MYBPC1: variants seen among roughly 807,000 people sequenced by gnomAD.
MYBPC1 encodes myosin binding protein C1, also known as myosin-binding protein C, slow-type.
Under a neutral mutation model 147.1 loss-of-function variants are expected in MYBPC1, and 52 were observed. That is an observed-to-expected ratio of 0.35 (90% CI 0.28 to 0.45). MYBPC1 has a LOEUF of 0.45. Ranked by LOEUF, MYBPC1 falls within the 20% of genes least tolerant of loss-of-function variation. The probability of loss-of-function intolerance (pLI) is 1.00; values close to 1 mark genes in which losing one functional copy is unlikely to be tolerated. For missense variants in MYBPC1, 1,228 were observed against 1,440.3 expected, an observed-to-expected ratio of 0.85 and a Z score of 2.39; for synonymous variants, 477 against 475.9, an observed-to-expected ratio of 1.00 and a Z score of -0.03.
chr12:101,641,515 T>C (rs868198324), intron 10 of MYBPC1, among the ~76,000 whole-genome samples: 22 of 152,228 alleles, frequency 1.4e-4, no homozygotes, highest in African/African-American at 5.1e-4. Flanking sequence ...TTTTAACACA[T>C]ATATGTTCTT....
chr12:101,598,073 G>A lies in MYBPC1; in HGVS notation c.25+2978G>A, dbSNP rs190975904. The stretch of plus-strand genomic sequence containing the variant: ...CTCACTCTGTGGCCCAGGCTGGAGT[G>A]CAGTGCCACAGTCTCCGCTCACTGC... On this transcript the variant is annotated intron_variant, in intron 1 of 31. Coordinates refer to ENST00000361466, the MANE Select transcript of MYBPC1 (RefSeq NM_002465.4). 1.3e-3 allele frequency among the ~76,000 whole-genome samples: 192 copies of A among 147,054 alleles called. 3 individuals are homozygous for A. Among genetic ancestry groups the A allele is most frequent in the African/African-American group, 3.9e-3 (157 of 39,876 alleles).
At chr12:101,641,604 A>G (rs1418427501) in intron 10 of MYBPC1, among the ~76,000 whole-genome samples, 4 of 152,206 alleles carry the variant, frequency 2.6e-5, no homozygotes, top group Admixed American at 6.5e-5. Flanking sequence ...TCCCTTGTTC[A>G]TGGTGCCCTA....
At chr12:101,646,619 A>T in intron 12 of MYBPC1, 144 bp from the exon 13 acceptor site, 1 of 927,024 alleles carries the variant, frequency 1.1e-6, no homozygotes, top group Non-Finnish European at 1.7e-6. Flanking sequence ...TGCCTGTGCA[A>T]CAGAGCAAGA....
intron 8 of MYBPC1, among the ~76,000 whole-genome samples, chr12:101,633,957 C>T (rs981626841): frequency 4.7e-5 from 7 of 150,042 alleles, no homozygotes; most frequent in Non-Finnish European, 8.9e-5. Flanking sequence ...AGTGCAGTGG[C>T]GCGATCTCGG....
chr12:101,647,038 C>T (rs182792276), intron 13 of MYBPC1, 151 bp downstream of exon 13: 1 of 976,700 alleles, frequency 1.0e-6, no homozygotes, highest in East Asian at 2.5e-5. Context: ...ACTAGAACAG[C>T]AGAGGGGAGA....
At chr12:101,691,843 A>G in the MYBPC1 span, among the ~76,000 whole-genome samples, 10 of 152,212 alleles carry the variant, frequency 6.6e-5, no homozygotes, top group Non-Finnish European at 2.9e-5. Flanking sequence ...CACTCAGTGC[A>G]GGCTTGGTCT....
intron 1 of MYBPC1, among the ~76,000 whole-genome samples, chr12:101,610,104 T>C (rs1883707858): frequency 6.6e-6 from 1 of 152,208 alleles, no homozygotes; most frequent in Admixed American, 6.5e-5. Context: ...GAGACTTACC[T>C]GCAACACTTC....
At chr12:101,655,971 T>G (rs11110930) in intron 18 of MYBPC1, among the ~76,000 whole-genome samples, 34,045 of 152,004 alleles carry the variant, frequency 0.22, 4,087 homozygotes, top group Middle Eastern at 0.34. Flanking sequence ...CAATTAGGTA[T>G]GCTTATATAG....
chr12:101,670,009 T>G lies in MYBPC1; in HGVS notation c.2525-312T>G, dbSNP rs182396028. On this transcript the variant is annotated intron_variant, in intron 23 of 31. Coordinates refer to ENST00000361466, the MANE Select transcript of MYBPC1 (RefSeq NM_002465.4). The stretch of plus-strand genomic sequence containing the variant: ...GGCCCTAAGAGAAAATGTATTTTTC[T>G]ATAAAGTTGCTTTAGGCTTATTACA... 72 of 450,902 alleles carry G rather than the reference T, an allele frequency of 1.6e-4. No individual in the cohort carries two copies. The Admixed American group carries it at 2.1e-3, about 13-fold the overall frequency. The allele number at this position is 450,902 out of a possible 1,614,324, so 27.9% of individuals were successfully genotyped here. A position where few individuals can be genotyped will look rare whatever the true frequency, so the allele number is the denominator to read the frequency against.
At chr12:101,604,904 C>T (rs776874589) in intron 1 of MYBPC1, among the ~76,000 whole-genome samples, 3 of 152,148 alleles carry the variant, frequency 2.0e-5, no homozygotes, top group Non-Finnish European at 4.4e-5. Flanking sequence ...CCACCTAAGG[C>T]ACAACATTTA....
chr12:101,604,512 A>G (rs1218752674), intron 1 of MYBPC1, among the ~76,000 whole-genome samples: 2 of 152,170 alleles, frequency 1.3e-5, no homozygotes, highest in African/African-American at 2.4e-5. Flanking sequence ...CTAAAGGTTA[A>G]TTTTGTTATA....
chr12:101,667,949 T>G lies in MYBPC1; in HGVS notation c.2524+50T>G, dbSNP rs190977623. The G allele has an allele frequency of 1.9e-6, 3 of 1,582,706 alleles. No homozygotes were observed. The East Asian group carries it at 6.9e-5, about 36-fold the overall frequency. On this transcript the variant is annotated intron_variant, in intron 23 of 31. Transcript: ENST00000361466. ...TAGACTCCATTTTACATGGTTCACT[T>G]TTTTTTTCTTCAAACTACTTTCTTT... is the stretch of plus-strand genomic sequence containing the variant.
At chr12:101,606,464 G>GTATTTT (rs1882221486) in intron 1 of MYBPC1, among the ~76,000 whole-genome samples, 1 of 127,876 alleles carries the variant, frequency 7.8e-6, no homozygotes, top group African/African-American at 3.9e-5. Flanking sequence ...AATCAATTTA[G>GTATTTT]TATTTTTTTT....
intron 3 of MYBPC1, among the ~76,000 whole-genome samples, chr12:101,623,173 T>C (rs1289354016): frequency 6.6e-6 from 1 of 152,154 alleles, no homozygotes; most frequent in East Asian, 1.9e-4. Flanking sequence ...ACCCTGTCTC[T>C]ACTAAAAATA....
chr12:101,662,567 CTTTGTCATCAGAA>C (rs1281778092), intron 21 of MYBPC1, 21 bp downstream of exon 21: 25 of 1,611,574 alleles, frequency 1.6e-5, no homozygotes, highest in Admixed American at 3.3e-5. Context: ...AGAGATGAGT[CTTTGTCATCAGAA>C]TCATTGCCCC....
chr12:101,679,965 G>A (rs1950830127), intron 28 of MYBPC1, among the ~76,000 whole-genome samples: 1 of 152,194 alleles, frequency 6.6e-6, no homozygotes, highest in Admixed American at 6.5e-5. Context: ...TACACATTGT[G>A]TAATGATTAT....
intron 18 of MYBPC1, among the ~76,000 whole-genome samples, chr12:101,655,493 T>C (rs901339430): frequency 6.6e-6 from 1 of 152,226 alleles, no homozygotes; most frequent in Non-Finnish European, 1.5e-5. Flanking sequence ...CATTCGGGCA[T>C]GTAATCAGCT....
chr12:101,662,234 AC>A, intron 20 of MYBPC1, 123 bp from the exon 21 acceptor site: 1 of 754,540 alleles, frequency 1.3e-6, no homozygotes, highest in East Asian at 2.7e-5. Flanking sequence ...ATATTTACAT[AC>A]ATATATGACT....
At chr12:101,612,412 A>G (rs1166463943) in intron 1 of MYBPC1, among the ~76,000 whole-genome samples, 1 of 152,226 alleles carries the variant, frequency 6.6e-6, no homozygotes, top group Non-Finnish European at 1.5e-5. Flanking sequence ...TGGGAAGAAC[A>G]GTGGCAGAAA....
Sources: allele counts gnomAD v4.1 joint callset (sites outside exome capture counted in the v4.1 genomes callset), GRCh38; gene constraint gnomAD v4.1.1; transcripts MANE v1.5; gene names NCBI Gene and HGNC (gene_info 2026-07-23, HGNC 2026-07-21).